Variants in APBB2 observed in about 807,000 individuals in gnomAD.
APBB2 encodes amyloid beta precursor protein binding family B member 2.
APBB2 carries 38 observed loss-of-function variants against 82.5 expected under a neutral mutation model. The ratio of observed to expected loss-of-function variants is 0.46; its 90% CI spans 0.36 to 0.60. The LOEUF (loss-of-function observed/expected upper bound fraction) is 0.60. APBB2 is among the 20% of genes least tolerant of loss of function. The pLI, the probability that APBB2 is intolerant of heterozygous loss-of-function variation, is 0.00. For missense variants in APBB2, 772 were observed against 972.3 expected, an observed-to-expected ratio of 0.79 and a Z score of 2.74; for synonymous variants, 341 against 368.2, an observed-to-expected ratio of 0.93 and a Z score of 0.85.
At chr4:41,165,905 G>A (rs1203421053) in intron 1 of APBB2, among the ~76,000 whole-genome samples, 27 of 137,662 alleles carry the variant, frequency 2.0e-4, no homozygotes, top group Admixed American at 1.4e-3. Context: ...ACGGAGTCTC[G>A]CTCTGTCACC....
intron 4 of APBB2, among the ~76,000 whole-genome samples, chr4:41,063,204 G>A (rs1299976593): frequency 2.0e-5 from 3 of 152,172 alleles, no homozygotes; most frequent in Non-Finnish European, 4.4e-5. Flanking sequence ...CATAGGGGTG[G>A]GCAAATTTTT....
chr4:41,044,824 C>A (rs1008629820), intron 4 of APBB2, among the ~76,000 whole-genome samples: 3 of 151,892 alleles, frequency 2.0e-5, no homozygotes, highest in Non-Finnish European at 4.4e-5. Flanking sequence ...ATGGGTTGTT[C>A]TAAGGTGATA....
chr4:41,002,977 G>A (rs1346188682), intron 6 of APBB2, among the ~76,000 whole-genome samples: 2 of 152,130 alleles, frequency 1.3e-5, no homozygotes, highest in Non-Finnish European at 2.9e-5. Context: ...ATTACTGATA[G>A]TCTTGTCTGT....
At chr4:41,002,066 C>T (rs1242505733) in intron 6 of APBB2, among the ~76,000 whole-genome samples, 1 of 152,082 alleles carries the variant, frequency 6.6e-6, no homozygotes, top group African/African-American at 2.4e-5. Context: ...CCAGTCAAAT[C>T]TGTTTGAATA....
chr4:40,867,057 A>G (rs1477279523), intron 12 of APBB2, among the ~76,000 whole-genome samples: 1 of 152,190 alleles, frequency 6.6e-6, no homozygotes, highest in Non-Finnish European at 1.5e-5. Flanking sequence ...TGCACGGCCG[A>G]CAGTGTCCTT....
At chr4:40,913,737 T>A (rs539780089) in intron 10 of APBB2, among the ~76,000 whole-genome samples, 3 of 152,172 alleles carry the variant, frequency 2.0e-5, no homozygotes, top group Non-Finnish European at 4.4e-5. Flanking sequence ...TGCGATCCAT[T>A]TAGTACCACT....
At chr4:41,033,402 A>G (rs1033657294) in intron 4 of APBB2, 98 bp from the exon 5 acceptor site, 9 of 776,788 alleles carry the variant, frequency 1.2e-5, no homozygotes, top group Non-Finnish European at 1.7e-5. Context: ...AAGCTGTTAT[A>G]TATACCAAAC....
At chr4:41,030,897 A>C (rs183721346) in intron 5 of APBB2, among the ~76,000 whole-genome samples, 3 of 152,150 alleles carry the variant, frequency 2.0e-5, no homozygotes, top group Non-Finnish European at 4.4e-5. Context: ...GTGAAGGGCC[A>C]ATAGGAGTTT....
At chr4:41,038,183 C>T (rs1427736144) in intron 4 of APBB2, among the ~76,000 whole-genome samples, 1 of 147,956 alleles carries the variant, frequency 6.8e-6, no homozygotes, top group Non-Finnish European at 1.5e-5. Context: ...GCTTGCAACC[C>T]CAAATCACAA....
intron 4 of APBB2, among the ~76,000 whole-genome samples, chr4:41,050,729 G>A (rs1022073902): frequency 3.3e-5 from 5 of 152,138 alleles, no homozygotes; most frequent in Admixed American, 3.3e-4. Flanking sequence ...AAGGAGAAGA[G>A]GAAGGAAAGA....
chr4:41,026,929 C>T (rs1714502630), intron 5 of APBB2, among the ~76,000 whole-genome samples: 1 of 152,104 alleles, frequency 6.6e-6, no homozygotes, highest in Non-Finnish European at 1.5e-5. Context: ...AAATGACCTT[C>T]AGGTCTCTCA....
chr4:41,202,513 G>A (rs780640629), intron 1 of APBB2, among the ~76,000 whole-genome samples: 4 of 152,130 alleles, frequency 2.6e-5, no homozygotes, highest in Middle Eastern at 3.4e-3. Flanking sequence ...GAGGAAGAAC[G>A]ATAACGCCAA....
intron 10 of APBB2, among the ~76,000 whole-genome samples, chr4:40,895,424 A>T (rs1199505063): frequency 1.3e-5 from 2 of 152,258 alleles, no homozygotes; most frequent in Non-Finnish European, 2.9e-5. Flanking sequence ...GCAGGGAACC[A>T]GCCCGATGGT....
intron 13 of APBB2, 84 bp from the exon 14 acceptor site, chr4:40,827,303 G>T: frequency 1.7e-6 from 2 of 1,178,748 alleles, no homozygotes; most frequent in Admixed American, 1.8e-5. Flanking sequence ...TGTCTAGGTT[G>T]ACTTCACTTC....
At position 41,021,994 on chromosome 4, in the gene APBB2, T is replaced by C. The variant is rs145483301; in HGVS notation, c.20-7596A>G. ...TGAACCCACTGGAAGAAAGAAACTC[T>C]GGACACATCTGAACATCTAAAGGAA... On this transcript the variant is annotated intron_variant, in intron 5 of 17. Coordinates refer to ENST00000508593, the MANE Select transcript of APBB2 (RefSeq NM_004307.2). Among the ~76,000 whole-genome samples the C allele has an allele frequency of 7.9e-3, 1,207 of 152,178 alleles. 18 individuals carry two copies. Among genetic ancestry groups the C allele is most frequent in the African/African-American group, 0.027 (1,133 of 41,510 alleles).
intron 10 of APBB2, among the ~76,000 whole-genome samples, chr4:40,900,293 C>T (rs1407034926): frequency 6.6e-6 from 1 of 152,072 alleles, no homozygotes; most frequent in South Asian, 2.1e-4. Context: ...CTATTCTTCC[C>T]TGTAGATACA....
At chr4:40,864,870 T>A (rs1384384642) in intron 12 of APBB2, among the ~76,000 whole-genome samples, 1 of 150,698 alleles carries the variant, frequency 6.6e-6, no homozygotes, top group Admixed American at 6.6e-5. Flanking sequence ...TTTTTTTTTT[T>A]TTTTTAGAGA....
At chr4:40,833,979 AT>A (rs1173142579) in intron 12 of APBB2, among the ~76,000 whole-genome samples, 2 of 152,354 alleles carry the variant, frequency 1.3e-5, no homozygotes, top group South Asian at 4.1e-4. Flanking sequence ...ACTTTAAAAA[AT>A]TATGATTATT....
chr4:40,951,999 C>T (rs1464259678), intron 6 of APBB2, among the ~76,000 whole-genome samples: 1 of 151,790 alleles, frequency 6.6e-6, no homozygotes, highest in Non-Finnish European at 1.5e-5. Flanking sequence ...CCAGCCTGGC[C>T]AACACAGTGA....
Sources: gnomAD v4.1 joint callset for allele counts (sites outside exome capture counted in the v4.1 genomes callset) on GRCh38, gnomAD v4.1.1 for gene constraint, MANE v1.5 for transcripts, NCBI Gene and HGNC (gene_info 2026-07-23, HGNC 2026-07-21) for gene names.